CNTLN: variants seen among roughly 807,000 people sequenced by gnomAD.
CNTLN encodes the protein centlein.
A neutral mutation model predicts 180.0 loss-of-function variants in CNTLN; 212 were observed. The observed-to-expected ratio is 1.18, with a 90% CI of 1.05 to 1.32. The LOEUF is 1.32. Among genes scored for constraint, CNTLN ranks in the 40% most tolerant of loss-of-function variants. The pLI is 0.00. For synonymous variants in CNTLN, 722 were observed against 563.1 expected (o/e 1.28, Z -3.99); for missense variants, 2,095 against 1,610.9 (o/e 1.30, Z -5.14).
At position 17,135,070 on chromosome 9, in the gene CNTLN, C is replaced by T. The variant is rs1385639477; in HGVS notation, c.5C>T (p.Ala2Val). Residue 2 changes from alanine to valine, a missense_variant, in exon 1 of 26, where the codon GCG (alanine) becomes GTG (valine). Physicochemically the swap from Ala to Val is moderately conservative, Grantham distance 64. Coordinates refer to ENST00000380647, the MANE Select transcript of CNTLN (RefSeq NM_017738.4). MAARSPPSPHPS... is the reference protein window; with the variant it reads MVARSPPSPHPS... ...GACCCGTTAGCAGCCGCAGCCATGG[C>T]GGCGCGTTCGCCTCCCTCACCGCAC... The T allele has an allele frequency of 3.8e-6, 6 of 1,596,142 alleles. No homozygotes were observed. Among genetic ancestry groups the T allele is most frequent in the Middle Eastern group, 2.1e-4 (1 of 4,714 alleles).
chr9:17,449,997 T>A (rs900141205), intron 18 of CNTLN, among the ~76,000 whole-genome samples: 1 of 152,228 alleles, frequency 6.6e-6, no homozygotes. Flanking sequence ...AGTTACAAAA[T>A]ATTTAATTGG....
At chr9:17,344,460 A>T (rs192928940) in intron 12 of CNTLN, among the ~76,000 whole-genome samples, 1 of 152,130 alleles carries the variant, frequency 6.6e-6, no homozygotes, top group Non-Finnish European at 1.5e-5. Flanking sequence ...TTTTTGGGGG[A>T]GGGTTGCATT....
downstream of CNTLN, among the ~76,000 whole-genome samples, chr9:17,505,691 GA>G (rs1833921108): frequency 6.6e-6 from 1 of 152,070 alleles, no homozygotes; most frequent in Non-Finnish European, 1.5e-5. Context: ...TTATGTTAAA[GA>G]TGCCAGCTGT....
At chr9:17,223,307 A>G (rs1446304463) in intron 2 of CNTLN, among the ~76,000 whole-genome samples, 1 of 151,932 alleles carries the variant, frequency 6.6e-6, no homozygotes, top group Non-Finnish European at 1.5e-5. Flanking sequence ...GGTAAGGGGG[A>G]ACTACGGTAT....
intron 2 of CNTLN, among the ~76,000 whole-genome samples, chr9:17,210,220 T>A (rs1007277293): frequency 3.3e-5 from 5 of 152,124 alleles, no homozygotes; most frequent in African/African-American, 1.2e-4. Context: ...CCGCTCCCCC[T>A]ACCCCACGAC....
intron 2 of CNTLN, among the ~76,000 whole-genome samples, chr9:17,168,900 C>T (rs934644472): frequency 2.0e-5 from 3 of 152,062 alleles, no homozygotes; most frequent in Admixed American, 6.5e-5. Flanking sequence ...TACCGAAAGA[C>T]CAGGTCAGCA....
At chr9:17,330,560 T>A (rs3765040) in intron 8 of CNTLN, 72 bp from the exon 9 acceptor site, 519,998 of 862,232 alleles carry the variant, frequency 0.6, 159,029 homozygotes, top group East Asian at 0.72. Flanking sequence ...AGTGTTACAT[T>A]TAACTATTTA....
chr9:17,481,040 A>G (rs1832616436), intron 23 of CNTLN, among the ~76,000 whole-genome samples: 1 of 152,024 alleles, frequency 6.6e-6, no homozygotes, highest in South Asian at 2.1e-4. Flanking sequence ...GAGACCTGGA[A>G]CAGCAACCTT....
chr9:17,265,083 T>C (rs1262704715), intron 5 of CNTLN, among the ~76,000 whole-genome samples: 1 of 147,694 alleles, frequency 6.8e-6, no homozygotes, highest in African/African-American at 2.5e-5. Flanking sequence ...CTATGTTGAA[T>C]AGGAGTGGTG....
At chr9:17,487,162 C>T (rs763130978) in intron 25 of CNTLN, 96 bp downstream of exon 25, 1 of 792,242 alleles carries the variant, frequency 1.3e-6, no homozygotes, top group Admixed American at 2.1e-5. Flanking sequence ...AACACTTCCC[C>T]ATTGTTTACT....
intron 6 of CNTLN, among the ~76,000 whole-genome samples, chr9:17,281,781 A>G (rs926910862): frequency 1.3e-5 from 2 of 152,162 alleles, no homozygotes; most frequent in East Asian, 1.9e-4. Context: ...AGAATGATTT[A>G]TATTATATTG....
chr9:17,352,416 ATT>A lies in CNTLN; in HGVS notation c.1886+9985_1886+9986del, dbSNP rs869286111. Among the ~76,000 whole-genome samples the A allele has an allele frequency of 4.0e-3, 125 of 31,278 alleles. 2 individuals carry two copies. The highest frequency in any genetic ancestry group is 0.03 in the South Asian group (51 of 1,714). The allele number at this position is 31,278 out of a possible 152,430, so 20.5% of individuals were successfully genotyped here. On this transcript the variant is annotated intron_variant, in intron 12 of 25. Coordinates refer to ENST00000380647, the MANE Select transcript of CNTLN (RefSeq NM_017738.4). ...TATATATATATATATATATATATAT[ATT>A]TTTTTTTTTTTTGGTATGTAGAAAT...
At chr9:17,265,920 C>G (rs1279686615) in intron 5 of CNTLN, among the ~76,000 whole-genome samples, 1 of 151,074 alleles carries the variant, frequency 6.6e-6, no homozygotes, top group Non-Finnish European at 1.5e-5. Context: ...CTATTTGATT[C>G]TTCTCTCTTT....
At chr9:17,341,918 G>A (rs1821509619) in intron 11 of CNTLN, among the ~76,000 whole-genome samples, 2 of 152,088 alleles carry the variant, frequency 1.3e-5, no homozygotes, top group South Asian at 4.1e-4. Flanking sequence ...ATATTCACTG[G>A]TAATAGTTTT....
intron 12 of CNTLN, among the ~76,000 whole-genome samples, chr9:17,355,801 A>G (rs1822787412): frequency 6.6e-6 from 1 of 152,196 alleles, no homozygotes; most frequent in African/African-American, 2.4e-5. Context: ...GCAGTGGCTC[A>G]CGCCTGTAAT....
Position 17,502,628 on chromosome 9 carries a change from C to T in CNTLN, c.4197C>T (p.Phe1399=), listed in dbSNP as rs369663196. ...AAAAGAAACTAGTTGAAGGATATTT[C>T]ACAATTATGAAAGATATTAGATGAT... ...NEKKKLVEGY[F]TIMKDIR is the part of the protein sequence containing the mutation. The change falls in exon 26 of 26, where the codon TTC becomes TTT. Residue 1399 remains phenylalanine (F), a synonymous_variant. Coordinates refer to ENST00000380647, the MANE Select transcript of CNTLN (RefSeq NM_017738.4). The T allele has an allele frequency of 6.6e-5, 88 of 1,338,194 alleles. No individual in the cohort carries two copies. The highest frequency in any genetic ancestry group is 8.7e-5 in the Non-Finnish European group (84 of 969,630). 82.9% of individuals were successfully genotyped at this position (1,338,194 alleles called of 1,614,324 possible). A position where few individuals can be genotyped will look rare whatever the true frequency, so the allele number is the denominator to read the frequency against.
intron 6 of CNTLN, among the ~76,000 whole-genome samples, chr9:17,281,073 T>C (rs898942304): frequency 1.3e-5 from 2 of 152,160 alleles, no homozygotes; most frequent in East Asian, 1.9e-4. Context: ...CTCACAGAGA[T>C]GTCCTTACAT....
At chr9:17,332,005 C>T (rs566447804) in intron 9 of CNTLN, among the ~76,000 whole-genome samples, 2 of 152,118 alleles carry the variant, frequency 1.3e-5, no homozygotes, top group South Asian at 4.1e-4. Flanking sequence ...CACTGTGTTG[C>T]CCAGCTTAAT....
intron 5 of CNTLN, among the ~76,000 whole-genome samples, chr9:17,241,154 A>G (rs140704606): frequency 6.6e-6 from 1 of 152,224 alleles, no homozygotes; most frequent in African/African-American, 2.4e-5. Context: ...CACCGCAGCC[A>G]GCCTGCAGTG....
Sources: allele counts gnomAD v4.1 joint callset (sites outside exome capture counted in the v4.1 genomes callset), GRCh38; gene constraint gnomAD v4.1.1; transcripts MANE v1.5; gene names NCBI Gene and HGNC (gene_info 2026-07-23, HGNC 2026-07-21).